Variants in BEND6 observed in about 807,000 individuals in gnomAD.
BEND6 encodes the protein BEN domain-containing protein 6.
In BEND6, 24 loss-of-function variants were observed where a neutral mutation model predicts 31.8. The ratio of observed to expected loss-of-function variants is 0.75; its 90% CI spans 0.55 to 1.06. The LOEUF is 1.06. BEND6 is among the 50% of genes least tolerant of loss of function. The pLI is 0.00. For synonymous variants in BEND6, 109 were observed against 114.6 expected (o/e 0.95, Z 0.31); for missense variants, 294 against 327.4 (o/e 0.90, Z 0.79).
chr6:56,996,660 AAGTTCCTTAAACC>A (rs1020226607), intron 3 of BEND6, among the ~76,000 whole-genome samples: 1 of 152,174 alleles, frequency 6.6e-6, no homozygotes, highest in Non-Finnish European at 1.5e-5. Flanking sequence ...TTCATTGTTC[AAGTTCCTTAAACC>A]AGAAACTATG....
At chr6:56,975,463 C>A (rs1057160514) in intron 1 of BEND6, 1 of 174,014 alleles carries the variant, frequency 5.7e-6, no homozygotes, top group African/African-American at 2.4e-5. Context: ...CTCCAATATA[C>A]TTCCTGTTTT....
At chr6:57,001,856 A>G (rs1826957713) in intron 3 of BEND6, among the ~76,000 whole-genome samples, 1 of 152,240 alleles carries the variant, frequency 6.6e-6, no homozygotes, top group Non-Finnish European at 1.5e-5. Flanking sequence ...CAGGCAGTTA[A>G]CAACTTTACA....
chr6:56,968,312 CTTTTTTTTTTTT>C (rs779756084), intron 1 of BEND6, among the ~76,000 whole-genome samples: 3 of 65,982 alleles, frequency 4.5e-5, no homozygotes, highest in African/African-American at 1.3e-4. Context: ...TCTTTCTTTT[CTTTTTTTTTTTT>C]TTTTTTTTTT....
chr6:56,965,206 G>A (rs1825429631), intron 1 of BEND6, among the ~76,000 whole-genome samples: 1 of 152,014 alleles, frequency 6.6e-6, no homozygotes, highest in South Asian at 2.1e-4. Context: ...AAATTTTAAT[G>A]TTGCTTCAAG....
At chr6:56,988,942 G>A (rs2006930) in intron 2 of BEND6, among the ~76,000 whole-genome samples, 32,424 of 151,958 alleles carry the variant, frequency 0.21, 3,618 homozygotes, top group Middle Eastern at 0.23. Context: ...GAGGCAGGAG[G>A]ATCACTTGAA....
intron 3 of BEND6, among the ~76,000 whole-genome samples, chr6:57,005,869 C>T (rs1827140902): frequency 6.6e-6 from 1 of 152,130 alleles, no homozygotes; most frequent in East Asian, 1.9e-4. Context: ...TAATTAAGAA[C>T]ATTCTGAAAA....
intron 3 of BEND6, among the ~76,000 whole-genome samples, chr6:57,005,844 A>G (rs557409118): frequency 6.6e-6 from 1 of 152,284 alleles, no homozygotes; most frequent in South Asian, 2.1e-4. Context: ...AACCTGAAAG[A>G]ATAAACCGGC....
chr6:57,000,908 G>T (rs1320285262), intron 3 of BEND6, among the ~76,000 whole-genome samples: 1 of 142,566 alleles, frequency 7.0e-6, no homozygotes, highest in African/African-American at 2.6e-5. Context: ...AAAAAGAAGT[G>T]CATAGACCTA....
intron 3 of BEND6, among the ~76,000 whole-genome samples, chr6:57,005,404 A>G (rs1228583775): frequency 6.6e-6 from 1 of 152,200 alleles, no homozygotes; most frequent in African/African-American, 2.4e-5. Context: ...GGCCACGCGC[A>G]GTGGTCCATG....
intron 3 of BEND6, among the ~76,000 whole-genome samples, chr6:57,013,348 G>C (rs1827412584): frequency 6.6e-6 from 1 of 152,194 alleles, no homozygotes; most frequent in South Asian, 2.1e-4. Context: ...GTGAGGCTTT[G>C]GTTGTCTCAG....
chr6:57,022,590 T>C (rs1232069499), intron 6 of BEND6, among the ~76,000 whole-genome samples: 2 of 152,138 alleles, frequency 1.3e-5, no homozygotes, highest in African/African-American at 2.4e-5. Flanking sequence ...CTTTCATTGA[T>C]CTGGTTTTTT....
chr6:57,005,677 T>C (rs1562553734), intron 3 of BEND6, among the ~76,000 whole-genome samples: 2 of 130,694 alleles, frequency 1.5e-5, no homozygotes, highest in African/African-American at 5.7e-5. Flanking sequence ...GAGACTCCAT[T>C]AAAAAAAAAA....
chr6:56,991,231 A>T (rs1005504771), intron 2 of BEND6, among the ~76,000 whole-genome samples: 2 of 152,194 alleles, frequency 1.3e-5, no homozygotes, highest in Non-Finnish European at 2.9e-5. Context: ...TACTTCTTTC[A>T]TAAAGCTCTT....
chr6:56,968,291 TTTTC>T (rs1313445371), intron 1 of BEND6, among the ~76,000 whole-genome samples: 45 of 150,780 alleles, frequency 3.0e-4, no homozygotes, highest in African/African-American at 9.7e-4. Flanking sequence ...CTTCTTTTCT[TTTTC>T]TTTCTTTCTT....
chr6:56,996,033 A>G (rs1593003109), intron 3 of BEND6, among the ~76,000 whole-genome samples: 1 of 152,158 alleles, frequency 6.6e-6, no homozygotes. Context: ...TATTCCATTT[A>G]GCTGATTCAT....
chr6:56,967,430 G>T (rs531741064), intron 1 of BEND6, among the ~76,000 whole-genome samples: 4 of 152,178 alleles, frequency 2.6e-5, no homozygotes, highest in African/African-American at 9.6e-5. Context: ...GAAGGGAGCC[G>T]GGAGGATAAA....
At chr6:57,020,341 A>T (rs1024454904) in intron 6 of BEND6, among the ~76,000 whole-genome samples, 10 of 149,824 alleles carry the variant, frequency 6.7e-5, no homozygotes, top group Admixed American at 6.7e-5. Context: ...TGAACTCATG[A>T]GCTCAAGCAA....
intron 3 of BEND6, chr6:57,008,741 T>C (rs1827249723): frequency 6.5e-6 from 1 of 152,726 alleles, no homozygotes; most frequent in Non-Finnish European, 1.5e-5. Flanking sequence ...AGTATGGCTA[T>C]TATCAAAAAG....
chr6:56,981,970 C>T, intron 2 of BEND6, 40 bp downstream of exon 2: 6 of 1,564,182 alleles, frequency 3.8e-6, no homozygotes, highest in Non-Finnish European at 5.2e-6. Flanking sequence ...TGTTATCTAG[C>T]TCAATCATAA....
Sources: gnomAD v4.1 joint callset for allele counts (sites outside exome capture counted in the v4.1 genomes callset) on GRCh38, gnomAD v4.1.1 for gene constraint, MANE v1.5 for transcripts, NCBI Gene and HGNC (gene_info 2026-07-23, HGNC 2026-07-21) for gene names.